Variants in TANC2 observed in about 807,000 individuals in gnomAD.
TANC2 encodes the protein protein TANC2.
A neutral mutation model predicts 210.5 loss-of-function variants in TANC2; 26 were observed. The observed-to-expected ratio is 0.12, with a 90% CI of 0.09 to 0.17. The LOEUF is 0.17. Ranked by LOEUF, TANC2 falls within the 10% of genes least tolerant of loss-of-function variation. The probability of loss-of-function intolerance (pLI) is 1.00; values close to 1 mark genes in which losing one functional copy is unlikely to be tolerated. For missense variants in TANC2, 2,129 were observed against 2,608.9 expected (o/e 0.82, Z 4.01); for synonymous variants, 931 against 967.1 (o/e 0.96, Z 0.69).
intron 8 of TANC2, among the ~76,000 whole-genome samples, chr17:63,245,238 A>G (rs927740807): frequency 2.0e-5 from 3 of 152,158 alleles, no homozygotes; most frequent in African/African-American, 4.8e-5. Flanking sequence ...CAGACATCTT[A>G]TAATAAGTTA....
intron 2 of TANC2, among the ~76,000 whole-genome samples, chr17:63,061,191 A>C (rs2035983091): frequency 6.6e-6 from 1 of 152,136 alleles, no homozygotes; most frequent in Non-Finnish European, 1.5e-5. Context: ...ACATGGTGAA[A>C]CCTCGTCTCT....
intron 2 of TANC2, among the ~76,000 whole-genome samples, chr17:63,010,859 C>T (rs1487076813): frequency 2.0e-5 from 3 of 152,138 alleles, no homozygotes; most frequent in South Asian, 4.1e-4. Flanking sequence ...GCTTCCATGC[C>T]CTTTTTGGGT....
chr17:63,060,278 G>A (rs1333143023), intron 2 of TANC2, among the ~76,000 whole-genome samples: 1 of 152,220 alleles, frequency 6.6e-6, no homozygotes, highest in Non-Finnish European at 1.5e-5. Flanking sequence ...TACTGTACAT[G>A]TATTGTCAGA....
chr17:63,070,655 A>G (rs118189254), intron 2 of TANC2, among the ~76,000 whole-genome samples: 2,644 of 152,190 alleles, frequency 0.017, 35 homozygotes, highest in Non-Finnish European at 0.025. Context: ...AATGGTTTTT[A>G]TATTTGTAAA....
intron 5 of TANC2, among the ~76,000 whole-genome samples, chr17:63,177,867 C>G (rs2040643682): frequency 6.6e-6 from 1 of 152,148 alleles, no homozygotes; most frequent in South Asian, 2.1e-4. Flanking sequence ...TTGGACAAAT[C>G]CAAAAAAGTT....
intron 8 of TANC2, among the ~76,000 whole-genome samples, chr17:63,252,384 C>T (rs1170692826): frequency 6.6e-6 from 1 of 151,912 alleles, no homozygotes; most frequent in African/African-American, 2.4e-5. Flanking sequence ...CAACTATTCT[C>T]TTTTAGTTAT....
intron 14 of TANC2, among the ~76,000 whole-genome samples, chr17:63,356,709 T>C (rs1483030702): frequency 6.6e-6 from 1 of 152,216 alleles, no homozygotes; most frequent in African/African-American, 2.4e-5. Flanking sequence ...TGCATATAAA[T>C]CCTGCCTCTT....
At chr17:63,112,040 A>G (rs919062478) in intron 4 of TANC2, among the ~76,000 whole-genome samples, 3 of 152,076 alleles carry the variant, frequency 2.0e-5, no homozygotes, top group African/African-American at 7.2e-5. Flanking sequence ...TTTTATTTTT[A>G]ATCTATACCC....
chr17:63,344,328 C>G (rs2429434), intron 12 of TANC2, among the ~76,000 whole-genome samples: 40,651 of 152,078 alleles, frequency 0.27, 5,674 homozygotes, highest in African/African-American at 0.35. Context: ...GTGATAAAAA[C>G]TACACAAACT....
chr17:62,996,096 G>T (rs760400282), intron 1 of TANC2, among the ~76,000 whole-genome samples: 12 of 152,136 alleles, frequency 7.9e-5, no homozygotes, highest in Non-Finnish European at 1.8e-4. Flanking sequence ...TGTCTTTCTT[G>T]TATTGGCTTG....
intron 2 of TANC2, among the ~76,000 whole-genome samples, chr17:63,055,724 G>A (rs2035748588): frequency 6.7e-6 from 1 of 150,032 alleles, no homozygotes; most frequent in African/African-American, 2.5e-5. Flanking sequence ...ATGTGAAGGA[G>A]GCCTTATCTG....
intron 2 of TANC2, among the ~76,000 whole-genome samples, chr17:63,018,124 T>C (rs2034187312): frequency 6.6e-6 from 1 of 151,852 alleles, no homozygotes; most frequent in Admixed American, 6.5e-5. Flanking sequence ...CAAGACCCTG[T>C]CTATGAAAAA....
At chr17:63,017,084 C>G (rs376017650) in intron 2 of TANC2, among the ~76,000 whole-genome samples, 1 of 152,134 alleles carries the variant, frequency 6.6e-6, no homozygotes, top group Non-Finnish European at 1.5e-5. Flanking sequence ...GGTTGTTGAT[C>G]CATTTGGAGT....
chr17:63,233,297 C>T (rs950907798), intron 7 of TANC2, among the ~76,000 whole-genome samples: 3 of 151,772 alleles, frequency 2.0e-5, no homozygotes, highest in Non-Finnish European at 2.9e-5. Flanking sequence ...AAGAGGCCGC[C>T]GAGAATCTGC....
At chr17:63,256,882 T>G (rs1292456543) in intron 8 of TANC2, among the ~76,000 whole-genome samples, 1 of 152,216 alleles carries the variant, frequency 6.6e-6, no homozygotes, top group African/African-American at 2.4e-5. Context: ...TGTCTCTTTT[T>G]ATAATTTTTG....
chr17:63,151,324 T>C (rs556392661), exon 5 of TANC2: 86 of 985,726 alleles, frequency 8.7e-5, no homozygotes, highest in Middle Eastern at 5.2e-4. Context: ...GAATCCGAGC[T>C]TGGCTCACCA....
intron 5 of TANC2, among the ~76,000 whole-genome samples, chr17:63,193,221 T>C (rs996508230): frequency 6.6e-6 from 1 of 152,220 alleles, no homozygotes; most frequent in African/African-American, 2.4e-5. Context: ...AGAAATCTAT[T>C]TATGTTGCCT....
intron 19 of TANC2, among the ~76,000 whole-genome samples, chr17:63,401,420 G>A (rs944636458): frequency 6.6e-6 from 1 of 152,138 alleles, no homozygotes; most frequent in Non-Finnish European, 1.5e-5. Context: ...AACAACTTCT[G>A]CCAACTATAC....
At chr17:63,413,360 T>TC (rs2048762239) in intron 24 of TANC2, 183 bp from the exon 25 acceptor site, 1 of 523,774 alleles carries the variant, frequency 1.9e-6, no homozygotes, top group Non-Finnish European at 3.4e-6. Context: ...TGAATACAAA[T>TC]CCAATGCAGC....
Sources: allele counts gnomAD v4.1 joint callset (sites outside exome capture counted in the v4.1 genomes callset), GRCh38; gene constraint gnomAD v4.1.1; transcripts MANE v1.5; gene names NCBI Gene and HGNC (gene_info 2026-07-23, HGNC 2026-07-21).